ZIM2: variants seen among roughly 807,000 people sequenced by gnomAD.
ZIM2 encodes the protein zinc finger protein 656.
In ZIM2, 14 loss-of-function variants were observed where a neutral mutation model predicts 38.6. That is an observed-to-expected ratio of 0.36 (90% confidence interval 0.24 to 0.57). The LOEUF (loss-of-function observed/expected upper bound fraction) is 0.57, where lower values mean the gene tolerates loss of function less well. Among genes scored for constraint, ZIM2 ranks in the 20% least tolerant of loss-of-function variants. The pLI, the probability that ZIM2 is intolerant of heterozygous loss-of-function variation, is 0.81. For synonymous variants in ZIM2, 247 were observed against 245.8 expected (o/e 1.00, Z -0.04); for missense variants, 680 against 695.1 (o/e 0.98, Z 0.24).
At chr19:56,788,168 T>C (rs1427890007) in intron 10 of ZIM2, among the ~76,000 whole-genome samples, 1 of 152,058 alleles carries the variant, frequency 6.6e-6, no homozygotes, top group Non-Finnish European at 1.5e-5. Context: ...TGTTTGCTCT[T>C]GCTTCTCTAG....
chr19:56,819,524 G>A (rs1169816602), intron 7 of ZIM2, among the ~76,000 whole-genome samples: 1 of 152,220 alleles, frequency 6.6e-6, no homozygotes, highest in Non-Finnish European at 1.5e-5. Flanking sequence ...ACTGAGGCTG[G>A]AGAGAGACTT....
intron 9 of ZIM2, among the ~76,000 whole-genome samples, chr19:56,803,927 C>A (rs1207407074): frequency 6.6e-6 from 1 of 152,196 alleles, no homozygotes; most frequent in Non-Finnish European, 1.5e-5. Context: ...TGGACAATTT[C>A]TTTTCCTAAA....
Position 56,774,590 on chromosome 19 carries a change from T to C in ZIM2, c.*98A>G. The C allele has an allele frequency of 6.1e-6, 9 of 1,483,118 alleles. No homozygotes were observed. The highest frequency in any genetic ancestry group is 8.1e-6 in the Non-Finnish European group (9 of 1,113,600). 91.9% of individuals were successfully genotyped at this position (1,483,118 alleles called of 1,614,324 possible). ...ACACTTTGATGAATGTTCAAGTTGT[T>C]AACAAGGTGGGGCTAGTGAAAGGCC... On this transcript the variant is annotated 3_prime_UTR_variant, in exon 13 of 13. Coordinates refer to ENST00000629319, the MANE Select transcript of ZIM2 (RefSeq NM_001387356.1).
At chr19:56,834,478 T>G (rs540908455) in intron 2 of ZIM2, among the ~76,000 whole-genome samples, 2 of 152,178 alleles carry the variant, frequency 1.3e-5, no homozygotes, top group Non-Finnish European at 2.9e-5. Context: ...GGGAGAGAAT[T>G]TGCTGATCAT....
chr19:56,780,755 A>G (rs2046293478), intron 11 of ZIM2, among the ~76,000 whole-genome samples: 1 of 152,236 alleles, frequency 6.6e-6, no homozygotes, highest in Non-Finnish European at 1.5e-5. Context: ...CAAGATAGAC[A>G]TGCTAACACC....
chr19:56,795,820 G>A (rs1410837950), intron 9 of ZIM2, among the ~76,000 whole-genome samples: 2 of 152,052 alleles, frequency 1.3e-5, no homozygotes, highest in Non-Finnish European at 2.9e-5. Flanking sequence ...CAGCCTGGGC[G>A]ACAGAGCGAG....
chr19:56,821,796 C>A, intron 6 of ZIM2, 42 bp from the exon 7 acceptor site: 1 of 1,606,996 alleles, frequency 6.2e-7, no homozygotes, highest in South Asian at 1.1e-5. Context: ...GGGCCCAGTC[C>A]ATCCTGCAGG....
At chr19:56,832,474 A>G (rs990911349) in intron 2 of ZIM2, among the ~76,000 whole-genome samples, 7 of 152,250 alleles carry the variant, frequency 4.6e-5, no homozygotes, top group African/African-American at 1.4e-4. Context: ...ACTCTGGCCC[A>G]CAGGGCAAAC....
chr19:56,799,130 A>G (rs2047373352), intron 9 of ZIM2: 1 of 152,214 alleles, frequency 6.6e-6, no homozygotes, highest in African/African-American at 2.4e-5. Flanking sequence ...CCAGAGGAAT[A>G]TAAATCATTC....
chr19:56,811,556 G>A (rs1041380382), intron 9 of ZIM2: 5 of 985,188 alleles, frequency 5.1e-6, no homozygotes, highest in Non-Finnish European at 6.0e-6. Flanking sequence ...AGGTTGGAAC[G>A]GACACCCTGA....
intron 2 of ZIM2, among the ~76,000 whole-genome samples, chr19:56,835,766 A>G (rs1160589113): frequency 6.6e-6 from 1 of 152,206 alleles, no homozygotes; most frequent in African/African-American, 2.4e-5. Flanking sequence ...CAGGCAAGAG[A>G]AAAAGAGTAG....
chr19:56,816,801 GC>G, intron 9 of ZIM2: 1 of 1,614,092 alleles, frequency 6.2e-7, no homozygotes, highest in Non-Finnish European at 8.5e-7. Flanking sequence ...TAAAGGTGGG[GC>G]TAGGCATGAA....
chr19:56,801,038 C>A (rs911992224), intron 9 of ZIM2, among the ~76,000 whole-genome samples: 2 of 150,978 alleles, frequency 1.3e-5, no homozygotes, highest in African/African-American at 4.9e-5. Flanking sequence ...CAGGTTCAAG[C>A]AATTCTCTGC....
chr19:56,796,376 G>A (rs572224819), intron 9 of ZIM2, among the ~76,000 whole-genome samples: 1 of 152,236 alleles, frequency 6.6e-6, no homozygotes, highest in South Asian at 2.1e-4. Flanking sequence ...GGAACTTGGT[G>A]GAATTTTCTT....
chr19:56,813,800 GT>G, intron 9 of ZIM2: 1 of 1,614,104 alleles, frequency 6.2e-7, no homozygotes, highest in Non-Finnish European at 8.5e-7. Context: ...GTGCTGGCAC[GT>G]TCGATGTAGC....
At chr19:56,779,589 T>C in intron 11 of ZIM2, 117 bp from the exon 12 acceptor site, 2 of 949,440 alleles carry the variant, frequency 2.1e-6, no homozygotes, top group Non-Finnish European at 3.2e-6. Flanking sequence ...GAAGCCTGTT[T>C]CCAGCCTACA....
chr19:56,816,601 AGGGCT>A (rs2059999629), intron 9 of ZIM2: 1 of 1,613,978 alleles, frequency 6.2e-7, no homozygotes, highest in Non-Finnish European at 8.5e-7. Flanking sequence ...AAACTCATTA[AGGGCT>A]GGGCTGGGCC....
intron 9 of ZIM2, chr19:56,813,917 C>A (rs2059725197): frequency 6.2e-7 from 1 of 1,614,094 alleles, no homozygotes; most frequent in African/African-American, 1.3e-5. Context: ...TCTGTGCATT[C>A]ATGGCAGTCA....
At chr19:56,819,715 C>T (rs1470293807) in intron 7 of ZIM2, among the ~76,000 whole-genome samples, 1 of 152,182 alleles carries the variant, frequency 6.6e-6, no homozygotes. Context: ...CTTTGCAATA[C>T]TGTGGGTGAG....
Sources: gnomAD v4.1 joint callset for allele counts (sites outside exome capture counted in the v4.1 genomes callset) on GRCh38, gnomAD v4.1.1 for gene constraint, MANE v1.5 for transcripts, NCBI Gene and HGNC (gene_info 2026-07-23, HGNC 2026-07-21) for gene names.